ATP6V0A1: variants seen among roughly 807,000 people sequenced by gnomAD.
ATP6V0A1 encodes ATPase H+ transporting V0 subunit a1.
In ATP6V0A1, 43 loss-of-function variants were observed where a neutral mutation model predicts 105.4. The observed-to-expected ratio is 0.41, with a 90% CI of 0.32 to 0.53. ATP6V0A1 has a LOEUF of 0.53. Ranked by LOEUF, ATP6V0A1 falls within the 20% of genes least tolerant of loss-of-function variation. The pLI, the probability that ATP6V0A1 is intolerant of heterozygous loss-of-function variation, is 0.30. For missense variants in ATP6V0A1, 676 were observed against 1,051.1 expected, an observed-to-expected ratio of 0.64 and a Z score of 4.93; for synonymous variants, 362 against 372.8, an observed-to-expected ratio of 0.97 and a Z score of 0.33.
chr17:42,480,833 A>G (rs2089404685), intron 8 of ATP6V0A1, 84 bp downstream of exon 8: 2 of 1,288,884 alleles, frequency 1.6e-6, no homozygotes, highest in African/African-American at 1.5e-5. Context: ...TGAAATACAA[A>G]TCCTTTTTAG....
intron 5 of ATP6V0A1, among the ~76,000 whole-genome samples, chr17:42,473,158 C>G (rs77844640): frequency 6.6e-6 from 1 of 152,128 alleles, no homozygotes. Flanking sequence ...CTCACAGAGT[C>G]GAGAATTTTG....
intron 4 of ATP6V0A1, among the ~76,000 whole-genome samples, chr17:42,469,058 G>T (rs922951862): frequency 6.6e-6 from 1 of 152,006 alleles, no homozygotes; most frequent in Admixed American, 6.6e-5. Flanking sequence ...ATGTTGGCCA[G>T]CTTGATCTCG....
chr17:42,496,550 A>G (rs1210869948), intron 14 of ATP6V0A1: 2 of 152,038 alleles, frequency 1.3e-5, no homozygotes, highest in East Asian at 3.9e-4. Flanking sequence ...GAAAAAAAAA[A>G]ATAATACAGG....
intron 10 of ATP6V0A1, 133 bp from the exon 11 acceptor site, chr17:42,490,354 A>G: frequency 1.3e-6 from 1 of 784,820 alleles, no homozygotes; most frequent in South Asian, 4.0e-5. Flanking sequence ...TTATTGAGAT[A>G]TAATTTACAT....
chr17:42,512,958 C>A (rs1028162982), intron 19 of ATP6V0A1, among the ~76,000 whole-genome samples: 1 of 152,184 alleles, frequency 6.6e-6, no homozygotes, highest in East Asian at 1.9e-4. Flanking sequence ...CAGAGAGGCC[C>A]AGGGAAAGTA....
intron 12 of ATP6V0A1, 136 bp from the exon 13 acceptor site, chr17:42,494,898 G>T (rs2091013310): frequency 2.1e-6 from 2 of 961,988 alleles, no homozygotes; most frequent in East Asian, 2.4e-5. Context: ...TTGTATTTTG[G>T]TTTTTACTTC....
chr17:42,494,917 T>C, intron 12 of ATP6V0A1, 117 bp from the exon 13 acceptor site: 1 of 1,141,864 alleles, frequency 8.8e-7, no homozygotes, highest in Non-Finnish European at 1.2e-6. Context: ...TCAAGCTCTC[T>C]GAATCAGGAT....
In ATP6V0A1 at chr17:42,500,573, G is replaced by T. The variant is rs1275121684; in HGVS notation, c.1680-134G>T. On this transcript the variant is annotated intron_variant, in intron 15 of 21. Coordinates refer to ENST00000343619, the MANE Select transcript of ATP6V0A1 (RefSeq NM_001130021.3). ...ATTGTCTCTGTTGTCTCCAGCTTCTGGTTGCTGCTGCTTAAAGTGATAAAG... is the reference window on the plus strand; with the variant it reads ...ATTGTCTCTGTTGTCTCCAGCTTCTTGTTGCTGCTGCTTAAAGTGATAAAG... 8 of 685,330 alleles carry T rather than the reference G, an allele frequency of 1.2e-5. No homozygotes were observed. The South Asian group carries it at 1.5e-4, about 13-fold the overall frequency. 42.5% of individuals were successfully genotyped at this position (685,330 alleles called of 1,614,324 possible).
chr17:42,461,041 A>C, intron 2 of ATP6V0A1, 30 bp downstream of exon 2: 1 of 1,552,612 alleles, frequency 6.4e-7, no homozygotes, highest in Non-Finnish European at 8.9e-7. Context: ...CGACTTGATT[A>C]CTGCTGAACT....
At chr17:42,478,645 A>G (rs1322761262) in intron 7 of ATP6V0A1, 56 bp downstream of exon 7, 2 of 1,485,840 alleles carry the variant, frequency 1.3e-6, no homozygotes, top group Middle Eastern at 1.8e-4. Flanking sequence ...AGCCCAGAGC[A>G]GTAACGTAGC....
chr17:42,461,293 G>T (rs1245071597), intron 2 of ATP6V0A1, among the ~76,000 whole-genome samples: 1 of 152,062 alleles, frequency 6.6e-6, no homozygotes, highest in Non-Finnish European at 1.5e-5. Context: ...CCTGATCAAG[G>T]CTTTCACTTG....
At chr17:42,472,447 G>A (rs539068977) in intron 5 of ATP6V0A1, among the ~76,000 whole-genome samples, 23 of 151,724 alleles carry the variant, frequency 1.5e-4, no homozygotes, top group Admixed American at 3.9e-4. Flanking sequence ...TTTTTAGGCC[G>A]GGCGCGGTGG....
intron 17 of ATP6V0A1, among the ~76,000 whole-genome samples, chr17:42,503,604 T>C (rs2091842409): frequency 6.6e-6 from 1 of 152,250 alleles, no homozygotes; most frequent in Admixed American, 6.5e-5. Context: ...TAATATATTC[T>C]AAGTTATGAA....
chr17:42,515,428 C>A (rs1427899133), intron 21 of ATP6V0A1, among the ~76,000 whole-genome samples: 1 of 146,760 alleles, frequency 6.8e-6, no homozygotes, highest in African/African-American at 2.5e-5. Context: ...GAGATTGTGC[C>A]ACTGCACTCC....
chr17:42,516,511 G>T (rs1057218964), intron 21 of ATP6V0A1, among the ~76,000 whole-genome samples: 1 of 152,132 alleles, frequency 6.6e-6, no homozygotes, highest in Non-Finnish European at 1.5e-5. Flanking sequence ...CTCAGTGCAC[G>T]AGAACCTCTG....
chr17:42,494,535 GA>G (rs2146029643), intron 12 of ATP6V0A1, 62 bp downstream of exon 12: 1 of 1,519,644 alleles, frequency 6.6e-7, no homozygotes, highest in Non-Finnish European at 9.0e-7. Flanking sequence ...CATTCATTAT[GA>G]AAATTATGAT....
intron 10 of ATP6V0A1, among the ~76,000 whole-genome samples, chr17:42,488,517 G>T (rs147733666): frequency 0.011 from 1,633 of 152,224 alleles, 37 homozygotes; most frequent in African/African-American, 0.034. Context: ...TGTTACCCAG[G>T]CTGGAGTGCA....
chr17:42,472,958 T>C (rs1335253875), intron 5 of ATP6V0A1, among the ~76,000 whole-genome samples: 1 of 152,164 alleles, frequency 6.6e-6, no homozygotes, highest in Admixed American at 6.5e-5. Flanking sequence ...GGAGGCATGC[T>C]AGTTTGAAAA....
At chr17:42,499,644 C>T (rs780982396) in intron 15 of ATP6V0A1, among the ~76,000 whole-genome samples, 29 of 150,950 alleles carry the variant, frequency 1.9e-4, no homozygotes, top group Non-Finnish European at 3.7e-4. Context: ...AAAAATTAGC[C>T]GGGTGTGGTG....
Sources: gnomAD v4.1 joint callset for allele counts (sites outside exome capture counted in the v4.1 genomes callset) on GRCh38, gnomAD v4.1.1 for gene constraint, MANE v1.5 for transcripts, NCBI Gene and HGNC (gene_info 2026-07-23, HGNC 2026-07-21) for gene names.